C19orf53: variants seen among roughly 807,000 people sequenced by gnomAD.
C19orf53 encodes the protein chromosome 19 open reading frame 53.
C19orf53 carries 9 observed loss-of-function variants against 6.5 expected under a neutral mutation model. That is an observed-to-expected ratio of 1.38 (90% CI 0.83 to 2.40). C19orf53 has a LOEUF of 2.40. Ranked by LOEUF, C19orf53 falls within the 30% of genes most tolerant of loss-of-function variation. The pLI, the probability that C19orf53 is intolerant of heterozygous loss-of-function variation, is 0.00. For missense variants in C19orf53, 166 were observed against 129.7 expected (o/e 1.28, Z -1.36); for synonymous variants, 68 against 52.5 (o/e 1.29, Z -1.27).
At chr19:13,776,093 G>C (rs1485399235) in intron 2 of C19orf53, among the ~76,000 whole-genome samples, 1 of 148,788 alleles carries the variant, frequency 6.7e-6, no homozygotes, top group Non-Finnish European at 1.5e-5. Flanking sequence ...GAGTAACTGG[G>C]ATTACAGGCC....
At chr19:13,775,215 G>T (rs1974356288) in intron 2 of C19orf53, among the ~76,000 whole-genome samples, 1 of 152,170 alleles carries the variant, frequency 6.6e-6, no homozygotes, top group Non-Finnish European at 1.5e-5. Flanking sequence ...CATGGGAAGG[G>T]AATTGAAAGC....
chr19:13,776,625 C>A lies in C19orf53; in HGVS notation c.154-1427C>A, dbSNP rs1187240336. On this transcript the variant is annotated intron_variant, in intron 2 of 2. Transcript: ENST00000588234. ...GCCCCTGACCCCTCCTTCCCGGAGC[C>A]CTTCCTGGGCTCCTTGTCCCACCTG... Among the ~76,000 whole-genome samples the A allele has an allele frequency of 3.9e-5, 6 of 152,302 alleles. No individual in the cohort carries two copies. The South Asian group carries it at 6.2e-4, about 16-fold the overall frequency.
chr19:13,774,741 G>A (rs1239634768), intron 2 of C19orf53, 34 bp downstream of exon 2: 24 of 1,575,248 alleles, frequency 1.5e-5, no homozygotes, highest in Non-Finnish European at 1.9e-5. Flanking sequence ...CCCGGAGGGC[G>A]GCGAGTAGCG....
At chr19:13,776,954 TTTTG>T (rs915702232) in intron 2 of C19orf53, among the ~76,000 whole-genome samples, 10 of 152,120 alleles carry the variant, frequency 6.6e-5, no homozygotes, top group African/African-American at 2.4e-4. Context: ...TGTTTTTGTT[TTTTG>T]TTTTTGTTTT....
At chr19:13,775,759 A>G (rs1433857913) in intron 2 of C19orf53, 1 of 152,188 alleles carries the variant, frequency 6.6e-6, no homozygotes, top group African/African-American at 2.4e-5. Context: ...CGGTTTTCTC[A>G]GAACTGGGTA....
Position 13,778,457 on chromosome 19 carries a change from T to C in C19orf53, c.*259T>C, listed in dbSNP as rs1013210740. On this transcript the variant is annotated 3_prime_UTR_variant, in exon 3 of 3. Transcript: ENST00000588234. ...ACCCAGAACAATAAACCTGGCTTTG[T>C]CATCCCTCTTGCAGTCCTGTGTTCG... 2 of 340,144 alleles carry C rather than the reference T, an allele frequency of 5.9e-6. No homozygotes were observed. Among genetic ancestry groups the C allele is most frequent in the Non-Finnish European group, 1.1e-5 (2 of 188,010 alleles). The allele number at this position is 340,144 out of a possible 1,614,324, so 21.1% of individuals were successfully genotyped here. A position where few individuals can be genotyped will look rare whatever the true frequency, so the allele number is the denominator to read the frequency against.
rs770781905 is a variant in C19orf53, at chr19:13,774,518, C to G, written c.41C>G (p.Ala14Gly). Residue 14 changes from alanine to glycine, a missense_variant, in exon 1 of 3, where the codon GCA becomes GGA. By Grantham distance (60) the Ala-to-Gly change is moderately conservative. Coordinates refer to ENST00000588234, the MANE Select transcript of C19orf53 (RefSeq NM_014047.3). Reference sequence around the variant, plus strand: ...CGCAAGTTTCAGGCGCACAAACCCGCAAAGAGTAAGACGGCAGCGGCAGCC... The same window carrying G: ...CGCAAGTTTCAGGCGCACAAACCCGGAAAGAGTAAGACGGCAGCGGCAGCC... ...GQRKFQAHKP[A>G]KSKTAAAASE... The G allele has an allele frequency of 3.7e-6, 6 of 1,613,624 alleles. No homozygotes were observed. The highest frequency in any genetic ancestry group is 3.4e-6 in the Non-Finnish European group (4 of 1,179,768).
chr19:13,778,230 A>C lies in C19orf53; in HGVS notation c.*32A>C. 6.5e-7 allele frequency: 1 copy of C among 1,540,714 alleles called. No individual in the cohort carries two copies. Among genetic ancestry groups the C allele is most frequent in the Non-Finnish European group, 8.8e-7 (1 of 1,139,812 alleles). ...TGGCCCCAGTGCAGGCCAACATCCC[A>C]CCCCCTACCTCCATATGGGACCTTG... is the stretch of plus-strand genomic sequence containing the variant. On this transcript the variant is annotated 3_prime_UTR_variant, in exon 3 of 3. Coordinates refer to ENST00000588234, the MANE Select transcript of C19orf53 (RefSeq NM_014047.3).
chr19:13,774,700 T>G lies in C19orf53; in HGVS notation c.146T>G (p.Leu49Arg). 1 of 1,604,828 alleles carries G rather than the reference T, an allele frequency of 6.2e-7. No homozygotes were observed. The change falls in exon 2 of 3, where the codon CTC (leucine) becomes CGC (arginine). Residue 49 changes from leucine to arginine, a missense_variant. Transcript: ENST00000588234. ...KKARVVQQQK[L>R]KKNLEVGIRK... ...GCGCGCGTCGTGCAGCAGCAAAAGC[T>G]CAAGAAGGTGTGCGGGGGCGAGAGA...
Position 13,774,589 on chromosome 19 carries a change from G to A in C19orf53, c.97+15G>A. ...AAGAAAAGGCGGTAAGGAGCGGCCC[G>A]GGGACTTGGGGGCGAGGTGGACCCC... On this transcript the variant is annotated intron_variant, in intron 1 of 2. Coordinates refer to ENST00000588234, the MANE Select transcript of C19orf53 (RefSeq NM_014047.3). 6.2e-7 allele frequency: 1 copy of A among 1,613,942 alleles called. No individual in the cohort carries two copies. Among genetic ancestry groups the A allele is most frequent in the Non-Finnish European group, 8.5e-7 (1 of 1,179,782 alleles).
At chr19:13,776,587 T>G (rs1377651589) in intron 2 of C19orf53, among the ~76,000 whole-genome samples, 3 of 152,144 alleles carry the variant, frequency 2.0e-5, no homozygotes, top group African/African-American at 7.2e-5. Context: ...GCTAACTCCC[T>G]CTAGCCTTAC....
chr19:13,777,191 A>T (rs1313110883), intron 2 of C19orf53, among the ~76,000 whole-genome samples: 2 of 151,736 alleles, frequency 1.3e-5, no homozygotes, highest in Non-Finnish European at 2.9e-5. Flanking sequence ...ACCTCAGGTG[A>T]TATGCCTGCC....
Position 13,778,302 on chromosome 19 carries a change from C to A in C19orf53, c.*104C>A. The A allele has an allele frequency of 7.4e-7, 1 of 1,354,710 alleles. No homozygotes were observed. 83.9% of individuals were successfully genotyped at this position (1,354,710 alleles called of 1,614,324 possible). On this transcript the variant is annotated 3_prime_UTR_variant, in exon 3 of 3. Transcript: ENST00000588234. The stretch of plus-strand genomic sequence containing the variant: ...CTGTCAGGAAGAGGACCCTGTCCCC[C>A]AGCACTGGGCTTCACCTAGAACTTC...
intron 2 of C19orf53, 23 bp downstream of exon 2, chr19:13,774,730 G>T (rs770082214): frequency 6.3e-6 from 10 of 1,583,926 alleles, no homozygotes; most frequent in African/African-American, 4.0e-5. Context: ...GAGAGATGGA[G>T]CCCGGAGGGC....
intron 2 of C19orf53, among the ~76,000 whole-genome samples, chr19:13,776,971 G>A (rs1568315891): frequency 1.1e-5 from 1 of 95,100 alleles, no homozygotes; most frequent in African/African-American, 4.9e-5. Flanking sequence ...TTTGTTTTGA[G>A]ATAGAGTTTC....
At chr19:13,774,983 G>A in intron 2 of C19orf53, 1 of 553,134 alleles carries the variant, frequency 1.8e-6, no homozygotes, top group Non-Finnish European at 3.2e-6. Context: ...GCCGGCGAGG[G>A]AAGGAGCACA....
At position 13,775,781 on chromosome 19, in the gene C19orf53, G is replaced by A. The variant is rs564910274; in HGVS notation, c.153+1074G>A. 1.1e-3 allele frequency among the ~76,000 whole-genome samples: 164 copies of A among 152,144 alleles called. 2 individuals are homozygous for A. The South Asian group carries it at 0.031, about 28-fold the overall frequency. ...CTCAGAACTGGGTACCCACTGGCCCGCTTACCTCCGTGGAGTGGGGAATCT... is the reference window on the plus strand; with the variant it reads ...CTCAGAACTGGGTACCCACTGGCCCACTTACCTCCGTGGAGTGGGGAATCT... On this transcript the variant is annotated intron_variant, in intron 2 of 2. Transcript: ENST00000588234.
At position 13,778,554 on chromosome 19, in the gene C19orf53, G is replaced by A. The variant is rs2277947; in HGVS notation, c.*356G>A. On this transcript the variant is annotated 3_prime_UTR_variant, in exon 3 of 3. Coordinates refer to ENST00000588234, the MANE Select transcript of C19orf53 (RefSeq NM_014047.3). ...CTGGCGTGCTCCACCCCACCCCACCGCCTTTAGCAACCATGTGCCCAGGGG... is the reference window on the plus strand; with the variant it reads ...CTGGCGTGCTCCACCCCACCCCACCACCTTTAGCAACCATGTGCCCAGGGG... 0.31 allele frequency: 53,352 copies of A among 171,702 alleles called. 8,960 individuals carry two copies. The highest frequency in any genetic ancestry group is 0.44 in the South Asian group (2,280 of 5,152). 10.6% of individuals were successfully genotyped at this position (171,702 alleles called of 1,614,324 possible). A position where few individuals can be genotyped will look rare whatever the true frequency, so the allele number is the denominator to read the frequency against.
intron 2 of C19orf53, chr19:13,775,026 A>G (rs1974353299): frequency 2.1e-6 from 1 of 486,884 alleles, no homozygotes; most frequent in Non-Finnish European, 3.6e-6. Flanking sequence ...TGAGGCCTGG[A>G]GGACTCCCAG....
Sources: gnomAD v4.1 joint callset for allele counts (sites outside exome capture counted in the v4.1 genomes callset) on GRCh38, gnomAD v4.1.1 for gene constraint, MANE v1.5 for transcripts, NCBI Gene and HGNC (gene_info 2026-07-23, HGNC 2026-07-21) for gene names.